Variants in MAF observed in about 807,000 individuals in gnomAD.
MAF encodes transcription factor Maf.
MAF carries 10 observed loss-of-function variants against 22.0 expected under a neutral mutation model. The observed-to-expected ratio is 0.45, with a 90% CI of 0.28 to 0.77. The LOEUF (loss-of-function observed/expected upper bound fraction) is 0.77, where lower values mean the gene tolerates loss of function less well. Among genes scored for constraint, MAF ranks in the 30% least tolerant of loss-of-function variants. MAF has a pLI of 0.12. For synonymous variants in MAF, 337 were observed against 255.8 expected (o/e 1.32, Z -3.03); for missense variants, 544 against 548.4 (o/e 0.99, Z 0.08).
chr16:79,388,711 A>T, the MAF span, among the ~76,000 whole-genome samples: 6 of 152,360 alleles, frequency 3.9e-5, no homozygotes, highest in African/African-American at 1.4e-4. Flanking sequence ...AAAAATATAC[A>T]GGAAAATTTA....
At chr16:79,501,342 T>C in the MAF span, among the ~76,000 whole-genome samples, 1 of 152,202 alleles carries the variant, frequency 6.6e-6, no homozygotes, top group South Asian at 2.1e-4. Flanking sequence ...TAATCCAGTA[T>C]AACCTCACCT....
the MAF span, chr16:79,211,502 C>G: frequency 5.5e-6 from 8 of 1,452,170 alleles, no homozygotes; most frequent in Non-Finnish European, 7.6e-6. Flanking sequence ...CCAGCTGAAA[C>G]TGAACCAGGT....
At chr16:79,250,673 G>A in the MAF span, among the ~76,000 whole-genome samples, 2 of 152,148 alleles carry the variant, frequency 1.3e-5, no homozygotes, top group African/African-American at 4.8e-5. Flanking sequence ...AACACTTCCT[G>A]TCTATTTATA....
At chr16:79,303,898 A>G in the MAF span, among the ~76,000 whole-genome samples, 2 of 152,224 alleles carry the variant, frequency 1.3e-5, no homozygotes, top group Non-Finnish European at 2.9e-5. Context: ...ATGTCATGTC[A>G]AAATGCGGGG....
chr16:79,467,097 ATT>A, the MAF span, among the ~76,000 whole-genome samples: 8 of 152,138 alleles, frequency 5.3e-5, no homozygotes, highest in African/African-American at 1.9e-4. Context: ...TTAAAACATT[ATT>A]TTGTCTTTCC....
the MAF span, among the ~76,000 whole-genome samples, chr16:79,484,663 C>A: frequency 6.6e-6 from 1 of 152,136 alleles, no homozygotes; most frequent in Non-Finnish European, 1.5e-5. Context: ...CCTCGTTGGT[C>A]CAGCTTTGGG....
the MAF span, among the ~76,000 whole-genome samples, chr16:79,572,575 G>C: frequency 1.3e-5 from 2 of 152,198 alleles, no homozygotes; most frequent in East Asian, 3.8e-4. Flanking sequence ...AAAATGTTTT[G>C]CATTTGAAAA....
At chr16:79,250,004 G>A in the MAF span, among the ~76,000 whole-genome samples, 1 of 152,124 alleles carries the variant, frequency 6.6e-6, no homozygotes, top group Non-Finnish European at 1.5e-5. Flanking sequence ...CTCTGGCCTG[G>A]CCTCCTACAT....
the MAF span, among the ~76,000 whole-genome samples, chr16:79,240,764 T>C: frequency 1.3e-5 from 2 of 151,818 alleles, no homozygotes; most frequent in Admixed American, 1.3e-4. Context: ...CACCTCCCAG[T>C]AGGGGCCAAT....
chr16:79,480,916 T>C, the MAF span, among the ~76,000 whole-genome samples: 2 of 152,206 alleles, frequency 1.3e-5, no homozygotes, highest in Non-Finnish European at 2.9e-5. Flanking sequence ...GATGAGGAGA[T>C]GGGTGGGCAG....
chr16:79,371,239 C>T, the MAF span, among the ~76,000 whole-genome samples: 5 of 152,038 alleles, frequency 3.3e-5, no homozygotes, highest in Non-Finnish European at 7.4e-5. Flanking sequence ...GGCCTTCTTA[C>T]ACAGAGGCTC....
At chr16:79,327,111 C>T in the MAF span, among the ~76,000 whole-genome samples, 1 of 152,186 alleles carries the variant, frequency 6.6e-6, no homozygotes. Context: ...CAGGGGAAAT[C>T]TCTGGGTGTG....
At chr16:79,342,180 AC>A in the MAF span, among the ~76,000 whole-genome samples, 1 of 152,134 alleles carries the variant, frequency 6.6e-6, no homozygotes, top group Non-Finnish European at 1.5e-5. Flanking sequence ...TAGGTGGCAC[AC>A]CCGGGGTCCC....
chr16:79,459,394 A>G, the MAF span, among the ~76,000 whole-genome samples: 1 of 152,258 alleles, frequency 6.6e-6, no homozygotes, highest in East Asian at 1.9e-4. Flanking sequence ...TGGAGCCCAC[A>G]TGCTCTGGGA....
At chr16:79,211,267 G>C in the MAF span, among the ~76,000 whole-genome samples, 2 of 152,132 alleles carry the variant, frequency 1.3e-5, no homozygotes, top group Non-Finnish European at 2.9e-5. Context: ...GGATGAATTT[G>C]TTCTTGCACG....
At chr16:79,337,311 C>T in the MAF span, among the ~76,000 whole-genome samples, 1 of 152,302 alleles carries the variant, frequency 6.6e-6, no homozygotes, top group African/African-American at 2.4e-5. Flanking sequence ...GTGGCTCACA[C>T]CTGTAATTCC....
chr16:79,578,544 T>C, the MAF span, among the ~76,000 whole-genome samples: 1 of 152,076 alleles, frequency 6.6e-6, no homozygotes, highest in Non-Finnish European at 1.5e-5. Flanking sequence ...CAGGATAATA[T>C]TTAAATTTGA....
At chr16:79,573,397 T>C in the MAF span, among the ~76,000 whole-genome samples, 1 of 152,232 alleles carries the variant, frequency 6.6e-6, no homozygotes, top group East Asian at 1.9e-4. Context: ...AGCTTTTGTT[T>C]TTATGCATGG....
At chr16:79,531,543 A>G in the MAF span, among the ~76,000 whole-genome samples, 1 of 152,116 alleles carries the variant, frequency 6.6e-6, no homozygotes, top group Admixed American at 6.6e-5. Context: ...TTGCCACCAG[A>G]TGGTCCCATC....
Sources: gnomAD v4.1 joint callset for allele counts (sites outside exome capture counted in the v4.1 genomes callset) on GRCh38, gnomAD v4.1.1 for gene constraint, MANE v1.5 for transcripts, NCBI Gene and HGNC (gene_info 2026-07-23, HGNC 2026-07-21) for gene names.